DISP1: variants seen among roughly 807,000 people sequenced by gnomAD.
DISP1 encodes the protein protein dispatched homolog 1.
In DISP1, 30 loss-of-function variants were observed where a neutral mutation model predicts 37.3. The ratio of observed to expected loss-of-function variants is 0.80; its 90% CI spans 0.60 to 1.09. DISP1 has a LOEUF of 1.09. Ranked by LOEUF, DISP1 falls within the 50% of genes least tolerant of loss-of-function variation. The pLI, the probability that DISP1 is intolerant of heterozygous loss-of-function variation, is 0.00. For synonymous variants in DISP1, 634 were observed against 690.2 expected (o/e 0.92, Z 1.28); for missense variants, 1,598 against 1,879.5 (o/e 0.85, Z 2.77).
intron 3 of DISP1, among the ~76,000 whole-genome samples, chr1:222,960,861 T>A (rs1386464976): frequency 6.6e-6 from 1 of 151,422 alleles, no homozygotes; most frequent in Non-Finnish European, 1.5e-5. Flanking sequence ...AACTAGAAAA[T>A]CTAGAAGAAA....
At chr1:222,850,334 T>C (rs1264529733) in intron 1 of DISP1, among the ~76,000 whole-genome samples, 1 of 152,134 alleles carries the variant, frequency 6.6e-6, no homozygotes, top group African/African-American at 2.4e-5. Context: ...TTAGCTCCCT[T>C]GTTCTCTCTT....
At chr1:222,932,486 T>C (rs559873575) in intron 2 of DISP1, among the ~76,000 whole-genome samples, 63 of 152,094 alleles carry the variant, frequency 4.1e-4, no homozygotes, top group Admixed American at 9.2e-4. Context: ...TAACTACTTA[T>C]ATAGGAGAAC....
chr1:222,912,378 T>C (rs1427095242), intron 1 of DISP1, among the ~76,000 whole-genome samples: 1 of 152,214 alleles, frequency 6.6e-6, no homozygotes, highest in South Asian at 2.1e-4. Context: ...TTCTTCTGAC[T>C]TACCTGTTTC....
chr1:222,831,544 A>G (rs910404069), intron 1 of DISP1, among the ~76,000 whole-genome samples: 2 of 152,236 alleles, frequency 1.3e-5, no homozygotes, highest in African/African-American at 2.4e-5. Context: ...TAAGCTGTAT[A>G]CTAGTTTTTT....
chr1:222,991,444 C>T, intron 5 of DISP1, 76 bp from the exon 6 acceptor site: 5 of 1,584,630 alleles, frequency 3.2e-6, no homozygotes, highest in Non-Finnish European at 4.3e-6. Flanking sequence ...TTTGACATTG[C>T]TTTCCCAAGC....
At chr1:222,917,688 T>G (rs932168460) in intron 1 of DISP1, among the ~76,000 whole-genome samples, 5 of 152,210 alleles carry the variant, frequency 3.3e-5, no homozygotes, top group African/African-American at 4.8e-5. Flanking sequence ...GAAAATTGCC[T>G]TGTACGGTCT....
chr1:222,959,442 T>G (rs927474230), intron 3 of DISP1, among the ~76,000 whole-genome samples: 5 of 152,128 alleles, frequency 3.3e-5, no homozygotes, highest in Non-Finnish European at 5.9e-5. Context: ...GGCTCACACC[T>G]GTAATCCCAG....
intron 1 of DISP1, among the ~76,000 whole-genome samples, chr1:222,841,884 T>C (rs1048432174): frequency 3.3e-5 from 5 of 152,164 alleles, no homozygotes; most frequent in African/African-American, 2.4e-5. Flanking sequence ...GTATTCTTTC[T>C]GGCTGAAGCA....
intron 4 of DISP1, chr1:222,989,440 A>AT (rs1678524802): frequency 2.0e-6 from 2 of 985,334 alleles, no homozygotes; most frequent in African/African-American, 3.5e-5. Context: ...TACTCAGCTC[A>AT]TATCAAGACT....
chr1:222,843,248 C>A (rs1667710760), intron 1 of DISP1, among the ~76,000 whole-genome samples: 1 of 151,540 alleles, frequency 6.6e-6, no homozygotes, highest in East Asian at 1.9e-4. Flanking sequence ...AAAATTATGC[C>A]AACATAGAAG....
chr1:222,862,158 A>T (rs972223183), intron 1 of DISP1, among the ~76,000 whole-genome samples: 3 of 152,194 alleles, frequency 2.0e-5, no homozygotes, highest in Non-Finnish European at 4.4e-5. Flanking sequence ...TGAATGAATT[A>T]ACCATAGTGT....
chr1:222,942,747 C>G (rs1674473421), intron 2 of DISP1, 60 bp from the exon 3 acceptor site: 4 of 1,590,568 alleles, frequency 2.5e-6, no homozygotes, highest in Non-Finnish European at 3.4e-6. Context: ...TCATACTTGT[C>G]TTTCCTACAT....
intron 1 of DISP1, among the ~76,000 whole-genome samples, chr1:222,884,956 C>T (rs1194049150): frequency 6.6e-6 from 1 of 152,100 alleles, no homozygotes. Context: ...CCTGCCTCAG[C>T]CCCCCGAGTA....
At chr1:222,936,879 G>GATATATA (rs1334041961) in intron 2 of DISP1, among the ~76,000 whole-genome samples, 1 of 41,382 alleles carries the variant, frequency 2.4e-5, no homozygotes, top group Admixed American at 3.7e-4. Context: ...TCATATATAT[G>GATATATA]ATATATATAA....
At chr1:222,932,335 A>G (rs951278622) in intron 2 of DISP1, among the ~76,000 whole-genome samples, 2 of 151,956 alleles carry the variant, frequency 1.3e-5, no homozygotes, top group African/African-American at 2.4e-5. Flanking sequence ...TTTTTTTAGT[A>G]TTACCAAAGT....
intron 1 of DISP1, among the ~76,000 whole-genome samples, chr1:222,909,920 G>A (rs915564350): frequency 1.3e-5 from 2 of 152,236 alleles, no homozygotes; most frequent in African/African-American, 4.8e-5. Flanking sequence ...ACACTAAAAC[G>A]TTAGCTGCCA....
intron 4 of DISP1, among the ~76,000 whole-genome samples, chr1:222,986,519 G>A (rs573436455): frequency 2.0e-5 from 3 of 152,284 alleles, no homozygotes; most frequent in Non-Finnish European, 4.4e-5. Flanking sequence ...GACTATGTTT[G>A]AGGGACTTCC....
At chr1:222,990,775 C>G (rs375237665) in intron 5 of DISP1, 27 bp downstream of exon 5, 141 of 1,613,114 alleles carry the variant, frequency 8.7e-5, no homozygotes, top group Middle Eastern at 1.7e-4. Context: ...TTTTCTTTAG[C>G]CTAAAATCAT....
At chr1:222,875,684 A>G (rs1170307454) in intron 1 of DISP1, among the ~76,000 whole-genome samples, 24 of 139,172 alleles carry the variant, frequency 1.7e-4, no homozygotes, top group African/African-American at 6.1e-4. Flanking sequence ...AAAATTAGCC[A>G]TATGTGGTGG....
Sources: gnomAD v4.1 joint callset for allele counts (sites outside exome capture counted in the v4.1 genomes callset) on GRCh38, gnomAD v4.1.1 for gene constraint, MANE v1.5 for transcripts, NCBI Gene and HGNC (gene_info 2026-07-23, HGNC 2026-07-21) for gene names.